GRIK1: variants seen among roughly 807,000 people sequenced by gnomAD.
GRIK1 encodes glutamate receptor ionotropic, kainate 1.
In GRIK1, 69 loss-of-function variants were observed where a neutral mutation model predicts 105.7. The ratio of observed to expected loss-of-function variants is 0.65; its 90% CI spans 0.54 to 0.80. The LOEUF is 0.80. Among genes scored for constraint, GRIK1 ranks in the 30% least tolerant of loss-of-function variants. The pLI is 0.00. For synonymous variants in GRIK1, 438 were observed against 431.3 expected, an observed-to-expected ratio of 1.02 and a Z score of -0.19; for missense variants, 1,109 against 1,167.3, an observed-to-expected ratio of 0.95 and a Z score of 0.73.
At chr21:29,547,735 T>C (rs1188458805) in intron 16 of GRIK1, among the ~76,000 whole-genome samples, 1 of 152,190 alleles carries the variant, frequency 6.6e-6, no homozygotes, top group African/African-American at 2.4e-5. Context: ...AATTAATGAA[T>C]GTTTGAGTTT....
intron 1 of GRIK1, among the ~76,000 whole-genome samples, chr21:29,916,362 G>A (rs1290650678): frequency 6.6e-6 from 1 of 151,798 alleles, no homozygotes; most frequent in African/African-American, 2.4e-5. Flanking sequence ...AACTCAAAGT[G>A]GGAGCCAGAG....
rs2061416391 is a variant in GRIK1, at chr21:29,596,506, G to A, written c.1251+20C>T. On this transcript the variant is annotated intron_variant, in intron 9 of 17. Coordinates refer to ENST00000327783, the MANE Select transcript of GRIK1 (RefSeq NM_001330994.2). ...CCATCCCACCCCCAGGTTTCCTGCA[G>A]TTGTTGTCAGAGTACAAACCTTCTT... 6.4e-7 allele frequency: 1 copy of A among 1,563,366 alleles called. No homozygotes were observed. Among genetic ancestry groups the A allele is most frequent in the Non-Finnish European group, 8.8e-7 (1 of 1,133,942 alleles).
At chr21:29,812,288 A>G (rs1241962884) in intron 1 of GRIK1, among the ~76,000 whole-genome samples, 1 of 152,158 alleles carries the variant, frequency 6.6e-6, no homozygotes, top group Non-Finnish European at 1.5e-5. Context: ...AAAGACAGGC[A>G]TGGTGCTGTG....
chr21:29,585,737 C>T (rs919568866), intron 12 of GRIK1, among the ~76,000 whole-genome samples: 2 of 152,186 alleles, frequency 1.3e-5, no homozygotes, highest in Non-Finnish European at 2.9e-5. Context: ...TTAGGATAGT[C>T]ATTTATTAAA....
At chr21:29,718,167 C>T (rs139437055) in intron 1 of GRIK1, among the ~76,000 whole-genome samples, 2,445 of 152,186 alleles carry the variant, frequency 0.016, 29 homozygotes, top group Middle Eastern at 0.041. Flanking sequence ...TTATAAATTA[C>T]TCAGTCTTGG....
intron 1 of GRIK1, among the ~76,000 whole-genome samples, chr21:29,756,739 T>A (rs763727204): frequency 1.3e-5 from 2 of 151,942 alleles, no homozygotes; most frequent in Non-Finnish European, 2.9e-5. Context: ...AGCAAAGACA[T>A]GAAACACAAC....
At chr21:29,903,009 C>T (rs382536) in intron 1 of GRIK1, among the ~76,000 whole-genome samples, 33,611 of 152,048 alleles carry the variant, frequency 0.22, 4,235 homozygotes, top group African/African-American at 0.34. Flanking sequence ...TTTGACAAAC[C>T]TGACACATAC....
intron 7 of GRIK1, among the ~76,000 whole-genome samples, chr21:29,606,707 A>G (rs1469728849): frequency 2.0e-5 from 3 of 152,032 alleles, no homozygotes; most frequent in East Asian, 1.9e-4. Context: ...AAAAAAACAA[A>G]AAAACCCAAA....
intron 8 of GRIK1, among the ~76,000 whole-genome samples, chr21:29,597,933 TCTAA>T (rs1397826749): frequency 1.1e-4 from 17 of 152,224 alleles, no homozygotes; most frequent in African/African-American, 3.9e-4. Context: ...ACCCAACTAA[TCTAA>T]TTAATCAAGC....
At chr21:29,706,089 G>A (rs1013110355) in intron 1 of GRIK1, among the ~76,000 whole-genome samples, 1 of 152,036 alleles carries the variant, frequency 6.6e-6, no homozygotes, top group South Asian at 2.1e-4. Context: ...GGCCAGGCTG[G>A]TCTCAAACTC....
At chr21:29,863,904 A>G (rs1164599202) in intron 1 of GRIK1, among the ~76,000 whole-genome samples, 1 of 152,186 alleles carries the variant, frequency 6.6e-6, no homozygotes, top group Non-Finnish European at 1.5e-5. Context: ...CAAGCACATT[A>G]AATAATTTAT....
chr21:29,840,509 A>C (rs1401709799), intron 1 of GRIK1, among the ~76,000 whole-genome samples: 2 of 152,138 alleles, frequency 1.3e-5, no homozygotes, highest in African/African-American at 4.8e-5. Flanking sequence ...TATTTATCCC[A>C]CTGGAATCCC....
intron 1 of GRIK1, among the ~76,000 whole-genome samples, chr21:29,801,273 C>G (rs543097316): frequency 2.0e-5 from 3 of 151,014 alleles, no homozygotes; most frequent in African/African-American, 7.3e-5. Flanking sequence ...TTTACCATTA[C>G]TTTTAATGGT....
chr21:29,560,507 C>CTTTCTTTCTTT (rs1568815221), intron 15 of GRIK1, among the ~76,000 whole-genome samples: 797 of 30,070 alleles, frequency 0.027, 178 homozygotes, highest in East Asian at 0.05. Context: ...TTCCTTCCTT[C>CTTTCTTTCTTT]CTTCCTTCCT....
At chr21:29,651,405 G>C in intron 5 of GRIK1, 114 bp from the exon 6 acceptor site, 1 of 701,602 alleles carries the variant, frequency 1.4e-6, no homozygotes, top group Non-Finnish European at 2.2e-6. Flanking sequence ...TTTATCTGTG[G>C]TTTTGTGGTT....
intron 1 of GRIK1, among the ~76,000 whole-genome samples, chr21:29,886,601 T>C (rs1219688354): frequency 6.6e-6 from 1 of 152,188 alleles, no homozygotes; most frequent in Non-Finnish European, 1.5e-5. Flanking sequence ...AAAAGTATCT[T>C]GTTGTGTGTA....
chr21:29,755,916 G>A (rs961315073), intron 1 of GRIK1, among the ~76,000 whole-genome samples: 3 of 152,170 alleles, frequency 2.0e-5, no homozygotes, highest in Admixed American at 1.3e-4. Flanking sequence ...TTAGGTATTA[G>A]GGTTAGAAGA....
At chr21:29,915,532 A>T (rs576817394) in intron 1 of GRIK1, among the ~76,000 whole-genome samples, 2 of 152,096 alleles carry the variant, frequency 1.3e-5, no homozygotes, top group East Asian at 3.9e-4. Flanking sequence ...CTCTCACAGG[A>T]AGGGAACAAT....
rs141361961 is a variant in GRIK1 at position 29,587,217 on chromosome 21, C to T, written c.1793+149G>A. On this transcript the variant is annotated intron_variant, in intron 12 of 17. Coordinates refer to ENST00000327783, the MANE Select transcript of GRIK1 (RefSeq NM_001330994.2). Reference sequence around the variant, plus strand: ...AATTAGAAAACATTCATTTACAGAACGGCTTTTATATGGAAACCTTCCAAG... The same window carrying T: ...AATTAGAAAACATTCATTTACAGAATGGCTTTTATATGGAAACCTTCCAAG... 1.1e-3 allele frequency: 521 copies of T among 488,982 alleles called. 2 individuals are homozygous for T. The highest frequency in any genetic ancestry group is 9.2e-3 in the African/African-American group (472 of 51,286). The allele number at this position is 488,982 out of a possible 1,614,324, so 30.3% of individuals were successfully genotyped here.
Sources: allele counts gnomAD v4.1 joint callset (sites outside exome capture counted in the v4.1 genomes callset), GRCh38; gene constraint gnomAD v4.1.1; transcripts MANE v1.5; gene names NCBI Gene and HGNC (gene_info 2026-07-23, HGNC 2026-07-21).